The following CA4 variants were observed in gnomAD, a reference collection of about 807,000 sequenced individuals.
CA4 encodes the protein carbonic anhydrase 4.
In CA4, 24 loss-of-function variants were observed where a neutral mutation model predicts 34.5. The observed-to-expected ratio is 0.70, with a 90% CI of 0.50 to 0.98. CA4 has a LOEUF of 0.98. CA4 is among the 50% of genes least tolerant of loss of function. CA4 has a pLI of 0.00. For synonymous variants in CA4, 178 were observed against 170.6 expected, an observed-to-expected ratio of 1.04 and a Z score of -0.34; for missense variants, 394 against 396.7, an observed-to-expected ratio of 0.99 and a Z score of 0.06.
chr17:60,171,141 A>C (rs1247750221), downstream of CA4, among the ~76,000 whole-genome samples: 2 of 152,280 alleles, frequency 1.3e-5, no homozygotes, highest in Non-Finnish European at 2.9e-5. Flanking sequence ...GTCTAAGCCC[A>C]TCTCCAGCGT....
At chr17:60,157,999 T>C in intron 5 of CA4, 62 bp from the exon 6 acceptor site, 1 of 1,597,614 alleles carries the variant, frequency 6.3e-7, no homozygotes, top group Non-Finnish European at 8.5e-7. Flanking sequence ...ATCGGGAGAA[T>C]GAACTGGCCA....
At chr17:60,160,958 T>G (rs1597999939), downstream of CA4, among the ~76,000 whole-genome samples, 4 of 144,772 alleles carry the variant, frequency 2.8e-5, no homozygotes, top group East Asian at 2.1e-4. Flanking sequence ...GAGAGTGAGG[T>G]GGAGGGCATT....
intron 7 of CA4, 77 bp downstream of exon 7, chr17:60,158,523 G>A (rs765992498): frequency 6.8e-7 from 1 of 1,472,298 alleles, no homozygotes; most frequent in South Asian, 1.2e-5. Flanking sequence ...TGCCCTCAGA[G>A]GTCCCTCAGG....
chr17:60,169,228 CAG>C (rs1324886033), intron 5 of CA4, among the ~76,000 whole-genome samples: 1 of 148,200 alleles, frequency 6.7e-6, no homozygotes, highest in African/African-American at 2.6e-5. Context: ...GCCTGGGCAA[CAG>C]AGAGAGACTC....
At chr17:60,162,118 T>C (rs1348046457), downstream of CA4, among the ~76,000 whole-genome samples, 28 of 152,062 alleles carry the variant, frequency 1.8e-4, no homozygotes, top group Admixed American at 1.8e-3. Flanking sequence ...CCTGGGGCTC[T>C]GGCCACCTCC....
At chr17:60,176,547 A>G in the CA4 span, among the ~76,000 whole-genome samples, 1 of 151,884 alleles carries the variant, frequency 6.6e-6, no homozygotes, top group Non-Finnish European at 1.5e-5. Flanking sequence ...TCTTCACCTC[A>G]TCTCCTGATC....
intron 2 of CA4, among the ~76,000 whole-genome samples, chr17:60,156,110 C>T (rs541829673): frequency 5.9e-5 from 9 of 152,120 alleles, no homozygotes; most frequent in Non-Finnish European, 7.4e-5. Context: ...CATCAGCAGC[C>T]CCCCCGGGGG....
intron 5 of CA4, among the ~76,000 whole-genome samples, chr17:60,164,604 TGGTCTC>T (rs2083836310): frequency 1.3e-5 from 2 of 152,136 alleles, no homozygotes; most frequent in African/African-American, 2.4e-5. Context: ...TTGGCCAAGC[TGGTCTC>T]GAACTCCTGA....
In CA4 at chr17:60,157,450, G is replaced by T; in HGVS notation, c.292G>T (p.Ala98Ser). 1.9e-6 allele frequency: 3 copies of T among 1,614,174 alleles called. No homozygotes were observed. The highest frequency in any genetic ancestry group is 2.7e-5 in the African/African-American group (2 of 75,054). ...AGTGATGATGTTGCTGGAGAACAAG[G>T]CCAGCATTTCTGGAGGAGGACTGCC... ...HSVMMLLENK[A>S]SISGGGLPAP... The change falls in exon 4 of 8, where the codon GCC becomes TCC. Residue 98 changes from alanine (A) to serine (S), a missense_variant. Physicochemically the swap from Ala to Ser is moderately conservative, Grantham distance 99 (BLOSUM62 1). Coordinates refer to ENST00000300900, the MANE Select transcript of CA4 (RefSeq NM_000717.5).
In CA4 at chr17:60,150,066, C is replaced by T. The variant is rs1322675097; in HGVS notation, c.32C>T (p.Ser11Phe). 1.1e-5 allele frequency: 17 copies of T among 1,600,450 alleles called. No homozygotes were observed. The Admixed American group carries it at 2.7e-4, about 25-fold the overall frequency. The change falls in exon 1 of 8, where the codon TCC becomes TTC. Residue 11 changes from serine (S) to phenylalanine (F), a missense_variant. By Grantham distance (155) the Ser-to-Phe change is radical. Transcript: ENST00000300900. ...ATGCTGCTGGCGCTCCTGGCCCTCTCCGCGGCGCGGCCATCGGCCAGTGCA... is the reference window on the plus strand; with the variant it reads ...ATGCTGCTGGCGCTCCTGGCCCTCTTCGCGGCGCGGCCATCGGCCAGTGCA... MRMLLALLAL[S>F]AARPSASAES...
At chr17:60,163,466 G>A (rs1055382276), downstream of CA4, among the ~76,000 whole-genome samples, 10 of 152,138 alleles carry the variant, frequency 6.6e-5, no homozygotes, top group Admixed American at 2.6e-4. Flanking sequence ...AGGCTGTCCC[G>A]GGCTCCTGCT....
chr17:60,158,449 G>A lies in CA4; in HGVS notation c.744+3G>A, dbSNP rs373253742. On this transcript the variant is annotated splice_donor_region_variant and intron_variant, in intron 7 of 7. Coordinates refer to ENST00000300900, the MANE Select transcript of CA4 (RefSeq NM_000717.5). ...CCATTCAGCTTCACAGAGAACAGGT[G>A]CACAGGGCCTGGGGCAGGGCATGGG... 3.5e-4 allele frequency: 567 copies of A among 1,613,572 alleles called. 1 individual carries two copies. The highest frequency in any genetic ancestry group is 2.5e-3 in the Middle Eastern group (15 of 6,046).
the CA4 span, among the ~76,000 whole-genome samples, chr17:60,178,157 C>A: frequency 6.6e-6 from 1 of 152,088 alleles, no homozygotes; most frequent in African/African-American, 2.4e-5. Flanking sequence ...CCTAAAACCA[C>A]CAATTTCATT....
chr17:60,178,629 C>G, the CA4 span, among the ~76,000 whole-genome samples: 1 of 152,130 alleles, frequency 6.6e-6, no homozygotes. Context: ...TATGCCCCTG[C>G]CACCAATGAC....
chr17:60,150,654 TAAAAAAAAAAAAAAAA>T (rs66850461), intron 1 of CA4, among the ~76,000 whole-genome samples: 49 of 33,912 alleles, frequency 1.4e-3, no homozygotes, highest in South Asian at 2.8e-3. Flanking sequence ...GTGCTCCGTT[TAAAAAAAAAAAAAAAA>T]AAAAAAAAAA....
intron 1 of CA4, among the ~76,000 whole-genome samples, chr17:60,151,095 G>A (rs1281293213): frequency 6.6e-6 from 1 of 152,188 alleles, no homozygotes; most frequent in East Asian, 1.9e-4. Context: ...AGCTAAAGGC[G>A]CTTCAAGCGG....
the CA4 span, among the ~76,000 whole-genome samples, chr17:60,176,023 T>A: frequency 2.6e-5 from 4 of 151,798 alleles, no homozygotes; most frequent in Non-Finnish European, 5.9e-5. Flanking sequence ...TCCATGTTGG[T>A]CAGGCTGGTC....
Position 60,156,639 on chromosome 17 carries a change from C to CA in CA4, c.198dup (p.Leu67ThrfsTer11). The CA allele has an allele frequency of 6.2e-7, 1 of 1,613,986 alleles. No homozygotes were observed. The highest frequency in any genetic ancestry group is 8.5e-7 in the Non-Finnish European group (1 of 1,179,854). The stretch of plus-strand genomic sequence containing the variant: ...TCGTCACCACCAAGGCAAAGGTGGA[C>CA]AAAAAACTGGGACGCTTCTTCTTCT... On this transcript the variant is annotated frameshift_variant, in exon 3 of 8. Transcript: ENST00000300900. LOFTEE classifies it high-confidence loss of function.
downstream of CA4, among the ~76,000 whole-genome samples, chr17:60,160,654 T>A (rs2083776456): frequency 6.6e-6 from 1 of 151,166 alleles, no homozygotes; most frequent in Non-Finnish European, 1.5e-5. Context: ...ATTCAGCTAT[T>A]CAGGAGGCTG....
Sources: gnomAD v4.1 joint callset for allele counts (sites outside exome capture counted in the v4.1 genomes callset) on GRCh38, gnomAD v4.1.1 for gene constraint, MANE v1.5 for transcripts, NCBI Gene and HGNC (gene_info 2026-07-23, HGNC 2026-07-21) for gene names.